ZNF862: variants seen among roughly 807,000 people sequenced by gnomAD.
ZNF862 encodes the protein zinc finger protein 862.
In ZNF862, 64 loss-of-function variants were observed where a neutral mutation model predicts 91.1. The ratio of observed to expected loss-of-function variants is 0.70; its 90% CI spans 0.57 to 0.87. ZNF862 has a LOEUF of 0.87. Ranked by LOEUF, ZNF862 falls within the 40% of genes least tolerant of loss-of-function variation. ZNF862 has a pLI of 0.00. For missense variants in ZNF862, 1,459 were observed against 1,528.0 expected (o/e 0.95, Z 0.75); for synonymous variants, 631 against 618.1 (o/e 1.02, Z -0.31).
chr7:149,838,772 T>A, intron 1 of ZNF862, 137 bp downstream of exon 1: 1 of 554,472 alleles, frequency 1.8e-6, no homozygotes, highest in Non-Finnish European at 2.7e-6. Context: ...GCCCGCCCTC[T>A]CTTCCCGCAC....
At position 149,853,248 on chromosome 7, in the gene ZNF862, T is replaced by C. The variant is rs59190915; in HGVS notation, c.1117+2910T>C. Among the ~76,000 whole-genome samples the C allele has an allele frequency of 5.8e-3, 883 of 152,234 alleles. 63 individuals carry two copies. The East Asian group carries it at 0.14, about 24-fold the overall frequency. ...GAGTGGCTTTTGCAGAATGGATTCA[T>C]GGGATAGGGCCTGCTGGCCCTTGGT... is the stretch of plus-strand genomic sequence containing the variant. On this transcript the variant is annotated intron_variant, in intron 5 of 7. Transcript: ENST00000223210.
rs1014718559 is a variant in ZNF862, at chr7:149,864,606, C to T, written c.*322C>T. The T allele has an allele frequency of 1.8e-5, 5 of 274,184 alleles. No individual in the cohort carries two copies. In the Admixed American group the frequency reaches 2.4e-4, roughly 13 times the overall value. 17.0% of individuals were successfully genotyped at this position (274,184 alleles called of 1,614,324 possible). A position where few individuals can be genotyped will look rare whatever the true frequency, so the allele number is the denominator to read the frequency against. On this transcript the variant is annotated 3_prime_UTR_variant, in exon 8 of 8. Coordinates refer to ENST00000223210, the MANE Select transcript of ZNF862 (RefSeq NM_001099220.3). ...TGAGTTTTGGTGGCAAGAGGAGTGT[C>T]CTGGTAGGGGAGACTGTTGGACATC...
Position 149,862,406 on chromosome 7 carries a change from C to T in ZNF862, c.3246C>T (p.Pro1082=), listed in dbSNP as rs377061201. The T allele has an allele frequency of 1.1e-4, 175 of 1,612,420 alleles. 1 individual carries two copies. Among genetic ancestry groups the T allele is most frequent in the African/African-American group, 2.0e-4 (15 of 74,884 alleles). ...GVAVTEYDPQ[P]AIQHWYLTSS... The stretch of plus-strand genomic sequence containing the variant: ...CCGTCACGGAGTACGACCCCCAGCC[C>T]GCCATCCAGCACTGGTACCTGACCT... Residue 1082 remains proline, a synonymous_variant, in exon 7 of 8, where the codon CCC becomes CCT. Coordinates refer to ENST00000223210, the MANE Select transcript of ZNF862 (RefSeq NM_001099220.3).
At chr7:149,862,825 G>C (rs1447326562) in intron 7 of ZNF862, among the ~76,000 whole-genome samples, 1 of 152,190 alleles carries the variant, frequency 6.6e-6, no homozygotes, top group Non-Finnish European at 1.5e-5. Context: ...CTCATCTGCC[G>C]AATGAGTTGT....
In ZNF862 at chr7:149,860,770, A is replaced by T; in HGVS notation, c.1610A>T (p.Asp537Val). Residue 537 changes from aspartate (D) to valine (V), a missense_variant, in exon 7 of 8, where the codon GAC becomes GTC. By Grantham distance (152) the Asp-to-Val change is radical. Transcript: ENST00000223210. ...GTCAACACGGTTGAAATCAAGGAAG[A>T]CACCCCTCACACTGCCCTCGTTCCA... ...LCVNTVEIKE[D>V]TPHTALVPEI... The T allele has an allele frequency of 6.2e-7, 1 of 1,613,892 alleles. No individual in the cohort carries two copies. Among genetic ancestry groups the T allele is most frequent in the Non-Finnish European group, 8.5e-7 (1 of 1,179,894 alleles).
intron 6 of ZNF862, chr7:149,860,143 T>G: frequency 1.9e-6 from 1 of 527,444 alleles, no homozygotes; most frequent in Non-Finnish European, 3.3e-6. Context: ...GATAGGGTGG[T>G]TGGGGCGCTG....
In ZNF862 at chr7:149,848,316, C is replaced by T; in HGVS notation, c.823C>T (p.Pro275Ser). 6.2e-7 allele frequency: 1 copy of T among 1,607,914 alleles called. No individual in the cohort carries two copies. Among genetic ancestry groups the T allele is most frequent in the East Asian group, 2.2e-5 (1 of 44,768 alleles). Residue 275 changes from proline (P) to serine (S), a missense_variant, in exon 4 of 8, where the codon CCT becomes TCT. Transcript: ENST00000223210. ...GGACCCTGGGGGGGATGGAGCAATTCCTGCAATGTATCTAGACTGCATTTC... is the reference window on the plus strand; with the variant it reads ...GGACCCTGGGGGGGATGGAGCAATTTCTGCAATGTATCTAGACTGCATTTC... ...LEDPGGDGAI[P>S]AMYLDCISDL...
rs1801591898 is a variant in ZNF862 at position 149,838,427 on chromosome 7, T to C, written c.-185T>C. ...CGACGCAAGTCTCAGCTCAGCGCGC[T>C]TATCCTGGGTCCACCGGCGCTACCG... On this transcript the variant is annotated 5_prime_UTR_variant, in exon 1 of 8. Coordinates refer to ENST00000223210, the MANE Select transcript of ZNF862 (RefSeq NM_001099220.3). 4 of 403,134 alleles carry C rather than the reference T, an allele frequency of 9.9e-6. No homozygotes were observed. The South Asian group carries it at 5.6e-4, about 56-fold the overall frequency. 25.0% of individuals were successfully genotyped at this position (403,134 alleles called of 1,614,324 possible).
Position 149,861,437 on chromosome 7 carries a change from C to T in ZNF862, c.2277C>T (p.Ser759=), listed in dbSNP as rs751536407. The change falls in exon 7 of 8, where the codon TCC becomes TCT. Residue 759 remains serine (S), a synonymous_variant. Coordinates refer to ENST00000223210, the MANE Select transcript of ZNF862 (RefSeq NM_001099220.3). This position sits in a 1 kb window ranked among gnomAD's most constrained non-coding sequence, Gnocchi z 6.7. ...HIRTVFKFYQ[S]SNKRLNELQE... is the part of the protein sequence containing the mutation. ...GCACCGTCTTCAAGTTTTATCAGTC[C>T]TCAAACAAGAGGCTGAACGAGCTGC... 2.5e-6 allele frequency: 4 copies of T among 1,613,450 alleles called. No individual in the cohort carries two copies. In the Admixed American group the frequency reaches 5.0e-5, roughly 20 times the overall value.
intron 1 of ZNF862, among the ~76,000 whole-genome samples, chr7:149,839,237 C>G (rs1350940227): frequency 6.6e-6 from 1 of 152,162 alleles, no homozygotes. Context: ...AGGGATTTGA[C>G]GGGATTGCCA....
rs368379031 is a variant in ZNF862 at position 149,860,984 on chromosome 7, G to T, written c.1824G>T (p.Glu608Asp). 4.3e-6 allele frequency: 7 copies of T among 1,613,342 alleles called. No individual in the cohort carries two copies. Among genetic ancestry groups the T allele is most frequent in the Non-Finnish European group, 5.9e-6 (7 of 1,179,798 alleles). ...ACTQFIKYIS[E>D]TLKREILEDV... is the part of the protein sequence containing the mutation. ...CTCAGTTCATCAAGTACATCTCAGA[G>T]ACCCTGAAGAGGGAGATCCTGGAGG... The change falls in exon 7 of 8, where the codon GAG becomes GAT. Residue 608 changes from glutamate (E) to aspartate (D), a missense_variant. Coordinates refer to ENST00000223210, the MANE Select transcript of ZNF862 (RefSeq NM_001099220.3).
At chr7:149,845,809 C>T (rs2128936558) in intron 2 of ZNF862, among the ~76,000 whole-genome samples, 1 of 152,286 alleles carries the variant, frequency 6.6e-6, no homozygotes, top group Admixed American at 6.5e-5. Flanking sequence ...TTGCAGGTTG[C>T]CACAGCCCCT....
intron 6 of ZNF862, 194 bp downstream of exon 6, chr7:149,859,720 A>AG: frequency 1.8e-6 from 1 of 558,310 alleles, no homozygotes; most frequent in Non-Finnish European, 3.2e-6. Flanking sequence ...TCTGGGAAAC[A>AG]GGGAAAAAAC....
In ZNF862 at chr7:149,838,621, A is replaced by G; in HGVS notation, c.10A>G (p.Arg4Gly). The change falls in exon 1 of 8, where the codon AGA (arginine) becomes GGA (glycine). Residue 4 changes from arginine (R) to glycine (G), a missense_variant. Physicochemically the swap from Arg to Gly is moderately radical, Grantham distance 125. Coordinates refer to ENST00000223210, the MANE Select transcript of ZNF862 (RefSeq NM_001099220.3). ...CTCCGAAAGCGGGGCCATGGAGCCC[A>G]GAGAGTCGGGGAAGGTAGGACTGGA... MEPRESGKAPVTFD... is the reference protein window; with the variant it reads MEPGESGKAPVTFD... 3 of 1,228,344 alleles carry G rather than the reference A, an allele frequency of 2.4e-6. No homozygotes were observed. The highest frequency in any genetic ancestry group is 3.1e-6 in the Non-Finnish European group (3 of 980,956). 76.1% of individuals were successfully genotyped at this position (1,228,344 alleles called of 1,614,324 possible). A position where few individuals can be genotyped will look rare whatever the true frequency, so the allele number is the denominator to read the frequency against.
intron 1 of ZNF862, among the ~76,000 whole-genome samples, chr7:149,839,563 T>G (rs941463129): frequency 6.6e-6 from 1 of 152,166 alleles, no homozygotes; most frequent in Non-Finnish European, 1.5e-5. Flanking sequence ...CTTCAATAAC[T>G]TGGACACGCC....
chr7:149,846,591 A>G (rs1801879815), intron 3 of ZNF862, among the ~76,000 whole-genome samples: 1 of 140,650 alleles, frequency 7.1e-6, no homozygotes, highest in Non-Finnish European at 1.6e-5. Flanking sequence ...GTAGATAATC[A>G]CTGAATGAAT....
Position 149,850,458 on chromosome 7 carries a change from C to G in ZNF862, c.1117+120C>G. On this transcript the variant is annotated intron_variant, in intron 5 of 7. Transcript: ENST00000223210. The surrounding 1 kb of genome is among the most constrained non-coding windows in gnomAD (Gnocchi z 4.2). ...CCCCTCCCTGTGTGTAGGCAGAGAC[C>G]GATCCTGTCTTTTGCACCTCATAAC... The G allele has an allele frequency of 2.8e-6, 3 of 1,076,578 alleles. No homozygotes were observed. Among genetic ancestry groups the G allele is most frequent in the African/African-American group, 1.6e-5 (1 of 63,022 alleles). 66.7% of individuals were successfully genotyped at this position (1,076,578 alleles called of 1,614,324 possible).
chr7:149,851,856 A>G (rs1355590219), intron 5 of ZNF862: 1 of 152,156 alleles, frequency 6.6e-6, no homozygotes, highest in Non-Finnish European at 1.5e-5. Context: ...AAGGGAACTC[A>G]TTTTCCTCGA....
chr7:149,859,130 C>T (rs1320958371), intron 5 of ZNF862: 1 of 445,716 alleles, frequency 2.2e-6, no homozygotes, highest in African/African-American at 2.1e-5. Flanking sequence ...TTCCCCCTGC[C>T]TCTCTCTCCT....
Sources: gnomAD v4.1 joint callset for allele counts (sites outside exome capture counted in the v4.1 genomes callset) on GRCh38, gnomAD v4.1.1 for gene constraint, Gnocchi (gnomAD v3.1) non-coding constraint, MANE v1.5 for transcripts, NCBI Gene and HGNC (gene_info 2026-07-23, HGNC 2026-07-21) for gene names.